Variants in LGSN observed in about 807,000 individuals in gnomAD.
The protein encoded by LGSN is lengsin.
In LGSN, 21 loss-of-function variants were observed where a neutral mutation model predicts 19.5. The ratio of observed to expected loss-of-function variants is 1.07; its 90% CI spans 0.76 to 1.55. The LOEUF (loss-of-function observed/expected upper bound fraction) is 1.55. Among genes scored for constraint, LGSN ranks in the 40% most tolerant of loss-of-function variants. The probability of loss-of-function intolerance (pLI) is 0.00; values close to 1 mark genes in which losing one functional copy is unlikely to be tolerated. For synonymous variants in LGSN, 257 were observed against 215.6 expected (o/e 1.19, Z -1.68); for missense variants, 673 against 608.5 (o/e 1.11, Z -1.12).
the LGSN span, among the ~76,000 whole-genome samples, chr6:63,497,903 A>C: frequency 7.7e-6 from 1 of 129,656 alleles, no homozygotes; most frequent in Non-Finnish European, 1.6e-5. Flanking sequence ...ACAGTTCTAT[A>C]GATTTGTCAT....
At chr6:63,562,560 T>G in the LGSN span, among the ~76,000 whole-genome samples, 3 of 152,234 alleles carry the variant, frequency 2.0e-5, no homozygotes, top group Admixed American at 2.0e-4. Context: ...TATCACCCAC[T>G]ATGAGTTGAT....
At chr6:63,447,264 A>C in the LGSN span, among the ~76,000 whole-genome samples, 1 of 152,190 alleles carries the variant, frequency 6.6e-6, no homozygotes, top group African/African-American at 2.4e-5. Flanking sequence ...TCTCTACCTC[A>C]ATAAAGTTCT....
At chr6:63,370,449 C>T in the LGSN span, among the ~76,000 whole-genome samples, 18 of 152,348 alleles carry the variant, frequency 1.2e-4, no homozygotes, top group South Asian at 2.5e-3. Flanking sequence ...GATTCCCACA[C>T]TCATGTAAGC....
chr6:63,391,610 T>C, the LGSN span, among the ~76,000 whole-genome samples: 1 of 152,326 alleles, frequency 6.6e-6, no homozygotes, highest in South Asian at 2.1e-4. Context: ...GTGTCTCTAG[T>C]TCCTGCTCAC....
the LGSN span, among the ~76,000 whole-genome samples, chr6:63,566,009 G>A: frequency 2.0e-5 from 3 of 152,174 alleles, no homozygotes; most frequent in Non-Finnish European, 4.4e-5. Flanking sequence ...TTACAATAAA[G>A]GAAGCCACAT....
chr6:63,389,134 A>G, the LGSN span, among the ~76,000 whole-genome samples: 5 of 152,318 alleles, frequency 3.3e-5, no homozygotes, highest in Non-Finnish European at 7.3e-5. Context: ...TATTGTCTCC[A>G]CTTTGGAAAG....
At chr6:63,439,074 AATC>A in the LGSN span, among the ~76,000 whole-genome samples, 1 of 152,182 alleles carries the variant, frequency 6.6e-6, no homozygotes, top group Non-Finnish European at 1.5e-5. Flanking sequence ...TGAAATTGGA[AATC>A]ATCATTCTCA....
chr6:63,572,694 A>C, the LGSN span: 1 of 403,132 alleles, frequency 2.5e-6, no homozygotes, highest in Middle Eastern at 6.2e-4. Flanking sequence ...ATTAGGCCAC[A>C]ATCTTCAATG....
At chr6:63,471,176 C>T in the LGSN span, among the ~76,000 whole-genome samples, 2 of 149,672 alleles carry the variant, frequency 1.3e-5, no homozygotes, top group African/African-American at 4.9e-5. Context: ...CAGGGTTTTG[C>T]CATGTTAGTC....
rs539760829 is a variant in LGSN at position 63,279,457 on chromosome 6, C to T, written c.*564G>A. The T allele has an allele frequency of 6.6e-6, 1 of 152,324 alleles. No individual in the cohort carries two copies. The highest frequency in any genetic ancestry group is 2.1e-4 in the South Asian group (1 of 4,818). 9.4% of individuals were successfully genotyped at this position (152,324 alleles called of 1,614,324 possible). On this transcript the variant is annotated 3_prime_UTR_variant, in exon 4 of 4. Coordinates refer to ENST00000370657, the MANE Select transcript of LGSN (RefSeq NM_016571.3). ...TGGAGAAGGGTGAAAAGAGAAGAGA[C>T]TTAGGGGAAAACTGCCTACCTGTCA... is the stretch of plus-strand genomic sequence containing the variant.
At chr6:63,486,430 G>C in the LGSN span, among the ~76,000 whole-genome samples, 1 of 152,126 alleles carries the variant, frequency 6.6e-6, no homozygotes, top group African/African-American at 2.4e-5. Context: ...TCAGTCAGTA[G>C]GGAGACAATG....
the LGSN span, among the ~76,000 whole-genome samples, chr6:63,340,979 T>C: frequency 6.6e-6 from 1 of 152,136 alleles, no homozygotes; most frequent in African/African-American, 2.4e-5. Context: ...GCATTGGTTG[T>C]GTAGTGTGCT....
the LGSN span, among the ~76,000 whole-genome samples, chr6:63,557,531 A>C: frequency 6.6e-6 from 1 of 152,042 alleles, no homozygotes; most frequent in African/African-American, 2.4e-5. Flanking sequence ...GCACCACTAC[A>C]CTCCAGCCTG....
At chr6:63,565,874 T>C in the LGSN span, among the ~76,000 whole-genome samples, 42 of 152,370 alleles carry the variant, frequency 2.8e-4, no homozygotes, top group Non-Finnish European at 5.4e-4. Context: ...CTTTTTAATA[T>C]AGAGCATGTT....
the LGSN span, among the ~76,000 whole-genome samples, chr6:63,507,189 T>C: frequency 6.6e-6 from 1 of 152,214 alleles, no homozygotes; most frequent in Admixed American, 6.5e-5. Flanking sequence ...AGTGGAACTA[T>C]AATGTGGTGG....
Position 63,280,904 on chromosome 6 carries a change from G to A in LGSN, c.647C>T (p.Pro216Leu), listed in dbSNP as rs201492975. 1 of 1,613,896 alleles carries A rather than the reference G, an allele frequency of 6.2e-7. No homozygotes were observed. The highest frequency in any genetic ancestry group is 8.5e-7 in the Non-Finnish European group (1 of 1,180,002). Residue 216 changes from proline to leucine, a missense_variant, in exon 4 of 4, where the codon CCC becomes CTC. Coordinates refer to ENST00000370657, the MANE Select transcript of LGSN (RefSeq NM_016571.3). ...FIYDFCIFGV[P>L]EILNSKIISF... ...TATAATCTTTGAATTTAAAATTTCGGGCACACCAAAAATGCAAAAATCATA... is the reference window on the plus strand; with the variant it reads ...TATAATCTTTGAATTTAAAATTTCGAGCACACCAAAAATGCAAAAATCATA...
the LGSN span, among the ~76,000 whole-genome samples, chr6:63,477,199 A>G: frequency 6.6e-6 from 1 of 152,318 alleles, no homozygotes; most frequent in East Asian, 1.9e-4. Context: ...AATACAAAAC[A>G]AACTTTCATA....
chr6:63,405,999 C>T, the LGSN span, among the ~76,000 whole-genome samples: 1 of 152,204 alleles, frequency 6.6e-6, no homozygotes, highest in African/African-American at 2.4e-5. Flanking sequence ...TATATGCAGC[C>T]AACACAGGAG....
At chr6:63,486,682 C>CTTTTTTTTTTTTTT in the LGSN span, among the ~76,000 whole-genome samples, 5 of 115,844 alleles carry the variant, frequency 4.3e-5, no homozygotes, top group Admixed American at 2.0e-4. Context: ...TTATTTTCTT[C>CTTTTTTTTTTTTTT]TTTTTTTTTT....
Sources: gnomAD v4.1 joint callset for allele counts (sites outside exome capture counted in the v4.1 genomes callset) on GRCh38, gnomAD v4.1.1 for gene constraint, MANE v1.5 for transcripts, NCBI Gene and HGNC (gene_info 2026-07-23, HGNC 2026-07-21) for gene names.